Variants in ERC2 observed in about 807,000 individuals in gnomAD.
The protein encoded by ERC2 is ELKS/RAB6-interacting/CAST family member 2.
ERC2 carries 42 observed loss-of-function variants against 114.8 expected under a neutral mutation model. That is an observed-to-expected ratio of 0.37 (90% CI 0.29 to 0.47). The LOEUF (loss-of-function observed/expected upper bound fraction) is 0.47, where lower values mean the gene tolerates loss of function less well. ERC2 is among the 20% of genes least tolerant of loss of function. ERC2 has a pLI of 0.99. For synonymous variants in ERC2, 454 were observed against 425.5 expected, an observed-to-expected ratio of 1.07 and a Z score of -0.82; for missense variants, 939 against 1,150.7, an observed-to-expected ratio of 0.82 and a Z score of 2.66.
rs189342918 is a variant in ERC2 at position 56,116,111 on chromosome 3, G to T, written c.1473+23398C>A. ...TTTCCTGTATGGTCCCATGTGGCAG[G>T]GTGTGCCCCTTCCTCTTGGAAGTGG... On this transcript the variant is annotated intron_variant, in intron 6 of 17. Coordinates refer to ENST00000288221, the MANE Select transcript of ERC2 (RefSeq NM_015576.3). 2.0e-5 allele frequency among the ~76,000 whole-genome samples: 3 copies of T among 152,120 alleles called. No individual in the cohort carries two copies. In the East Asian group the frequency reaches 5.8e-4, roughly 29 times the overall value.
intron 7 of ERC2, among the ~76,000 whole-genome samples, chr3:56,056,409 A>G (rs1485801872): frequency 6.6e-6 from 1 of 152,180 alleles, no homozygotes; most frequent in Admixed American, 6.6e-5. Flanking sequence ...AGTGCCCCAG[A>G]TAAGAAAGGA....
At chr3:56,396,220 G>A (rs1037638793) in intron 2 of ERC2, among the ~76,000 whole-genome samples, 2 of 152,132 alleles carry the variant, frequency 1.3e-5, no homozygotes, top group Non-Finnish European at 2.9e-5. Context: ...AGACATTCTT[G>A]CTCAATTGGG....
intron 17 of ERC2, among the ~76,000 whole-genome samples, chr3:55,671,904 G>T (rs2061576527): frequency 6.6e-6 from 1 of 152,290 alleles, no homozygotes; most frequent in African/African-American, 2.4e-5. Context: ...CACAGCAAAC[G>T]CTGTCTCTCT....
intron 17 of ERC2, among the ~76,000 whole-genome samples, chr3:55,580,320 G>C (rs901448231): frequency 8.5e-5 from 13 of 152,128 alleles, no homozygotes; most frequent in Admixed American, 7.8e-4. Flanking sequence ...AAGAATAAAG[G>C]CTACCACTTT....
intron 3 of ERC2, among the ~76,000 whole-genome samples, chr3:56,228,475 T>C (rs995505552): frequency 2.0e-5 from 3 of 152,256 alleles, no homozygotes; most frequent in South Asian, 2.1e-4. Flanking sequence ...TGCCTTTGTG[T>C]GATTTCACTT....
At chr3:56,160,632 C>G (rs958002198) in intron 4 of ERC2, among the ~76,000 whole-genome samples, 1 of 152,156 alleles carries the variant, frequency 6.6e-6, no homozygotes, top group Non-Finnish European at 1.5e-5. Flanking sequence ...AATATTTAAT[C>G]CATCTTGAAT....
chr3:55,958,878 A>C (rs935190666), intron 12 of ERC2, among the ~76,000 whole-genome samples: 1 of 152,162 alleles, frequency 6.6e-6, no homozygotes, highest in Non-Finnish European at 1.5e-5. Flanking sequence ...GCAGGGATGC[A>C]TGGGCCCAGA....
intron 6 of ERC2, among the ~76,000 whole-genome samples, chr3:56,116,496 G>T (rs929886865): frequency 6.6e-6 from 1 of 152,180 alleles, no homozygotes; most frequent in Admixed American, 6.5e-5. Flanking sequence ...AGGTGTATGT[G>T]CATTGGGACA....
chr3:56,213,131 C>A (rs1236569604), intron 3 of ERC2, among the ~76,000 whole-genome samples: 1 of 152,244 alleles, frequency 6.6e-6, no homozygotes, highest in East Asian at 1.9e-4. Context: ...AACTGAGGTA[C>A]CGGGTTCATC....
chr3:55,921,548 T>C (rs916975750), intron 13 of ERC2, among the ~76,000 whole-genome samples: 5 of 152,104 alleles, frequency 3.3e-5, no homozygotes, highest in Non-Finnish European at 5.9e-5. Context: ...GAATATGGTT[T>C]TTAAAAAATG....
intron 14 of ERC2, chr3:55,766,948 TC>T (rs2067838268): frequency 6.6e-6 from 1 of 152,258 alleles, no homozygotes; most frequent in Admixed American, 6.5e-5. Context: ...CTTATCATGT[TC>T]TTCCTGCCAC....
chr3:55,554,887 G>A (rs1427536209), intron 17 of ERC2, among the ~76,000 whole-genome samples: 5 of 152,026 alleles, frequency 3.3e-5, no homozygotes, highest in Non-Finnish European at 5.9e-5. Flanking sequence ...TGCTCTGCCC[G>A]CTAAGCTTTC....
chr3:56,419,492 T>C (rs1380731825), intron 2 of ERC2, among the ~76,000 whole-genome samples: 1 of 152,230 alleles, frequency 6.6e-6, no homozygotes. Flanking sequence ...ATATTGTATC[T>C]GAATACACTT....
chr3:56,343,831 T>C (rs1373258035), intron 2 of ERC2, among the ~76,000 whole-genome samples: 1 of 152,234 alleles, frequency 6.6e-6, no homozygotes, highest in South Asian at 2.1e-4. Flanking sequence ...TTTTAAATCA[T>C]AAATTTCCTT....
chr3:55,761,573 C>T (rs1481023664), intron 14 of ERC2, among the ~76,000 whole-genome samples: 3 of 152,108 alleles, frequency 2.0e-5, no homozygotes, highest in Non-Finnish European at 4.4e-5. Flanking sequence ...CCTAATGAAA[C>T]TTTATTTACA....
chr3:56,165,320 C>CT (rs900667462), intron 4 of ERC2, among the ~76,000 whole-genome samples: 7 of 151,004 alleles, frequency 4.6e-5, no homozygotes, highest in Admixed American at 2.0e-4. Flanking sequence ...ATGGCAATAG[C>CT]TTTTTTTTTA....
In ERC2 at chr3:55,693,468, A is replaced by T. The variant is rs371251373; in HGVS notation, c.2847+5910T>A. On this transcript the variant is annotated intron_variant, in intron 16 of 17. Coordinates refer to ENST00000288221, the MANE Select transcript of ERC2 (RefSeq NM_015576.3). ...CACTGCCAAGAACCCTCTGTGACCC[A>T]GAGCAGTTCCCCTCCCTCCCCGGGC... Among the ~76,000 whole-genome samples, 5 of 152,246 alleles carry T rather than the reference A, an allele frequency of 3.3e-5. No individual in the cohort carries two copies. In the East Asian group the frequency reaches 5.8e-4, roughly 18 times the overall value.
intron 13 of ERC2, among the ~76,000 whole-genome samples, chr3:55,940,799 A>C (rs1372393686): frequency 6.6e-6 from 1 of 152,206 alleles, no homozygotes; most frequent in Non-Finnish European, 1.5e-5. Context: ...CTTAAAATAA[A>C]GCTTAATCCG....
intron 15 of ERC2, among the ~76,000 whole-genome samples, chr3:55,726,067 C>G (rs1190851035): frequency 1.3e-5 from 2 of 152,130 alleles, no homozygotes; most frequent in Non-Finnish European, 2.9e-5. Context: ...AAAAGGGGTT[C>G]TCTAGAATAG....
Sources: allele counts gnomAD v4.1 joint callset (sites outside exome capture counted in the v4.1 genomes callset), GRCh38; gene constraint gnomAD v4.1.1; transcripts MANE v1.5; gene names NCBI Gene and HGNC (gene_info 2026-07-23, HGNC 2026-07-21).